Variants in LGALS9 observed in about 807,000 individuals in gnomAD.
LGALS9 encodes galectin 9.
LGALS9 carries 26 observed loss-of-function variants against 35.9 expected under a neutral mutation model. The ratio of observed to expected loss-of-function variants is 0.72; its 90% CI spans 0.53 to 1.01. LGALS9 has a LOEUF of 1.01. Among genes scored for constraint, LGALS9 ranks in the 50% least tolerant of loss-of-function variants. The pLI is 0.00. For missense variants in LGALS9, 347 were observed against 445.8 expected, an observed-to-expected ratio of 0.78 and a Z score of 1.99; for synonymous variants, 149 against 172.2, an observed-to-expected ratio of 0.87 and a Z score of 1.06.
rs199701061 is a variant in LGALS9, at chr17:27,643,609, C to T, written c.529C>T (p.Arg177Cys). Reference protein sequence around the residue: ...PVCFPPRPRGRRQKPPGVWPA... With the variant: ...PVCFPPRPRGCRQKPPGVWPA... The stretch of plus-strand genomic sequence containing the variant: ...CTGTTTCCCACCCAGGCCCAGGGGG[C>T]GCAGACAAAAAGTGAGTTCAACACA... Residue 177 changes from arginine to cysteine, a missense_variant, in exon 5 of 11, where the codon CGC (arginine) becomes TGC (cysteine). Transcript: ENST00000395473. 2.4e-4 allele frequency: 393 copies of T among 1,610,694 alleles called. No homozygotes were observed. Among genetic ancestry groups the T allele is most frequent in the African/African-American group, 1.1e-3 (85 of 74,756 alleles).
At chr17:27,636,675 G>A (rs1257088789) in intron 1 of LGALS9, among the ~76,000 whole-genome samples, 5 of 151,816 alleles carry the variant, frequency 3.3e-5, no homozygotes, top group Non-Finnish European at 4.4e-5. Context: ...GTCCCATTAC[G>A]TTGTTCAGGC....
At position 27,647,433 on chromosome 17, in the gene LGALS9, G is replaced by GT; in HGVS notation, c.921+2dup. 6.2e-7 allele frequency: 1 copy of GT among 1,614,166 alleles called. No individual in the cohort carries two copies. The highest frequency in any genetic ancestry group is 8.5e-7 in the Non-Finnish European group (1 of 1,180,014). Reference sequence around the variant, plus strand: ...CTTCGTCCGTGGCCAGAGCTTCTCAGTAAGGCACCGCAGTCTGGAGCTTGG... The same window carrying GT: ...CTTCGTCCGTGGCCAGAGCTTCTCAGTTAAGGCACCGCAGTCTGGAGCTTGG... On this transcript the variant is annotated splice_donor_variant, in intron 10 of 10. Coordinates refer to ENST00000395473, the MANE Select transcript of LGALS9 (RefSeq NM_009587.3). LOFTEE classifies it high-confidence loss of function.
Position 27,647,010 on chromosome 17 carries a change from T to C in LGALS9, c.670-20T>C, listed in dbSNP as rs921024403. ...TTCCCCTTCCGCGTGGTGGCTGACC[T>C]GTCCCCCTTCTTCCGACAGCCGATG... On this transcript the variant is annotated intron_variant, in intron 8 of 10. Transcript: ENST00000395473. 2 of 1,613,836 alleles carry C rather than the reference T, an allele frequency of 1.2e-6. No individual in the cohort carries two copies. Among genetic ancestry groups the C allele is most frequent in the Admixed American group, 1.7e-5 (1 of 59,996 alleles).
chr17:27,635,675 C>T (rs1021094240), intron 1 of LGALS9, among the ~76,000 whole-genome samples: 21 of 152,060 alleles, frequency 1.4e-4, no homozygotes, highest in African/African-American at 4.6e-4. Flanking sequence ...ATGTCCATCA[C>T]GCTCTGCCTT....
At chr17:27,633,942 AG>A (rs1324360584) in intron 1 of LGALS9, among the ~76,000 whole-genome samples, 2 of 152,234 alleles carry the variant, frequency 1.3e-5, no homozygotes, top group Non-Finnish European at 2.9e-5. Context: ...CTGGGAGGCA[AG>A]CCCAGTCCCG....
intron 2 of LGALS9, among the ~76,000 whole-genome samples, chr17:27,639,354 C>G (rs887900859): frequency 1.3e-5 from 2 of 151,934 alleles, no homozygotes; most frequent in African/African-American, 4.8e-5. Context: ...CCTCCACCTC[C>G]CCCACCCCCC....
At chr17:27,637,453 C>T (rs1191475231) in intron 1 of LGALS9, among the ~76,000 whole-genome samples, 2 of 152,210 alleles carry the variant, frequency 1.3e-5, no homozygotes, top group African/African-American at 2.4e-5. Flanking sequence ...GACTCTAAAA[C>T]GATGCATGCC....
chr17:27,647,246 G>A (rs1905021036), intron 9 of LGALS9, 24 bp from the exon 10 acceptor site: 1 of 1,613,528 alleles, frequency 6.2e-7, no homozygotes, highest in Non-Finnish European at 8.5e-7. Context: ...GTGGATAAAG[G>A]TTCAGGTGGG....
chr17:27,640,167 T>A (rs1281664052), intron 2 of LGALS9, among the ~76,000 whole-genome samples: 1 of 152,166 alleles, frequency 6.6e-6, no homozygotes, highest in Non-Finnish European at 1.5e-5. Flanking sequence ...TTTACATTTG[T>A]TCTCTTCTTT....
Position 27,631,250 on chromosome 17 carries a change from C to T in LGALS9, c.-16C>T, listed in dbSNP as rs778849610. 9 of 1,614,064 alleles carry T rather than the reference C, an allele frequency of 5.6e-6. No individual in the cohort carries two copies. The African/African-American group carries it at 1.1e-4, about 19-fold the overall frequency. On this transcript the variant is annotated 5_prime_UTR_variant, in exon 1 of 11. Transcript: ENST00000395473. ...TGGGTGTGAAAGGCAGCGGTGGCCA[C>T]AGAGGCGGCGGAGAGATGGCCTTCA...
chr17:27,649,149 C>T lies in LGALS9; in HGVS notation c.*167C>T, dbSNP rs981484873. ...GCTTCTGGCTACAGCCACCCTGGAA[C>T]GGAGAAGGCAGCTGACGGGGATTGC... On this transcript the variant is annotated 3_prime_UTR_variant, in exon 11 of 11. Coordinates refer to ENST00000395473, the MANE Select transcript of LGALS9 (RefSeq NM_009587.3). 10 of 1,108,718 alleles carry T rather than the reference C, an allele frequency of 9.0e-6. No homozygotes were observed. Among genetic ancestry groups the T allele is most frequent in the Admixed American group, 5.3e-5 (2 of 37,990 alleles). The allele number at this position is 1,108,718 out of a possible 1,614,324, so 68.7% of individuals were successfully genotyped here. A position where few individuals can be genotyped will look rare whatever the true frequency, so the allele number is the denominator to read the frequency against.
chr17:27,646,426 G>A, intron 7 of LGALS9, 121 bp from the exon 8 acceptor site: 1 of 1,498,772 alleles, frequency 6.7e-7, no homozygotes, highest in East Asian at 2.3e-5. Context: ...GAGTCCAAGG[G>A]CCAAAGGCTC....
chr17:27,648,044 A>C (rs1208963089), intron 10 of LGALS9, among the ~76,000 whole-genome samples: 1 of 152,268 alleles, frequency 6.6e-6, no homozygotes, highest in African/African-American at 2.4e-5. Context: ...CAAATCACCC[A>C]GAGAGCTTAC....
intron 3 of LGALS9, chr17:27,641,016 C>T (rs1367759914): frequency 6.9e-6 from 5 of 719,686 alleles, no homozygotes; most frequent in East Asian, 5.8e-5. Context: ...GGAGTCATCA[C>T]GTTGCTATTT....
intron 2 of LGALS9, chr17:27,640,351 C>T (rs1904370299): frequency 7.3e-6 from 5 of 680,658 alleles, no homozygotes; most frequent in Admixed American, 6.0e-5. Context: ...TTTCTATTTG[C>T]TTTTAGCAAA....
chr17:27,642,091 T>C (rs960899438), intron 3 of LGALS9, 147 bp from the exon 4 acceptor site: 34 of 1,491,584 alleles, frequency 2.3e-5, no homozygotes, highest in African/African-American at 1.5e-4. Context: ...TGATGCACTT[T>C]GGGTCACACA....
chr17:27,639,620 A>C (rs1567914059), intron 2 of LGALS9, among the ~76,000 whole-genome samples: 1 of 152,018 alleles, frequency 6.6e-6, no homozygotes. Context: ...CCCAGCCTGG[A>C]GTTCAGTGGT....
chr17:27,639,769 G>A (rs190170231), intron 2 of LGALS9, among the ~76,000 whole-genome samples: 8 of 151,930 alleles, frequency 5.3e-5, no homozygotes, highest in Admixed American at 2.0e-4. Context: ...ATGGAGTCTC[G>A]CTCTGCCACC....
chr17:27,635,482 A>ATAAATAAC (rs928084267), intron 1 of LGALS9, among the ~76,000 whole-genome samples: 1 of 146,610 alleles, frequency 6.8e-6, no homozygotes, highest in African/African-American at 2.6e-5. Flanking sequence ...AAATAAATAA[A>ATAAATAAC]TAAATAATCT....
Sources: gnomAD v4.1 joint callset for allele counts (sites outside exome capture counted in the v4.1 genomes callset) on GRCh38, gnomAD v4.1.1 for gene constraint, MANE v1.5 for transcripts, NCBI Gene and HGNC (gene_info 2026-07-23, HGNC 2026-07-21) for gene names.